The following POLR2E variants were observed in gnomAD, a reference collection of about 807,000 sequenced individuals.
The protein encoded by POLR2E is DNA-directed RNA polymerases I, II, and III subunit RPABC1.
A neutral mutation model predicts 29.8 loss-of-function variants in POLR2E; 35 were observed. The ratio of observed to expected loss-of-function variants is 1.17; its 90% CI spans 0.90 to 1.55. The LOEUF (loss-of-function observed/expected upper bound fraction) is 1.55, where lower values mean the gene tolerates loss of function less well. Among genes scored for constraint, POLR2E ranks in the 40% most tolerant of loss-of-function variants. The pLI is 0.00. For missense variants in POLR2E, 287 were observed against 288.6 expected (o/e 0.99, Z 0.04); for synonymous variants, 174 against 112.6 (o/e 1.55, Z -3.45).
At position 1,093,927 on chromosome 19, in the gene POLR2E, T is replaced by C; in HGVS notation, c.209A>G (p.Asp70Gly). ...ACCTGGAAAGAACACAAACATCTGG[T>C]CGGTGGGGTCATCGTTGTGGGCCAC... is the stretch of plus-strand genomic sequence containing the variant. ...VLVAHNDDPTDQMFVFFPEEP... is the reference protein window; with the variant it reads ...VLVAHNDDPTGQMFVFFPEEP... Residue 70 changes from aspartate (D) to glycine (G), a missense_variant, in exon 2 of 8, where the codon GAC (aspartate) becomes GGC (glycine). Transcript: ENST00000615234. 1.9e-6 allele frequency: 3 copies of C among 1,608,848 alleles called. No homozygotes were observed. The highest frequency in any genetic ancestry group is 2.5e-6 in the Non-Finnish European group (3 of 1,177,576).
intron 7 of POLR2E, 25 bp downstream of exon 7, chr19:1,089,447 A>G (rs1213797182): frequency 6.5e-7 from 1 of 1,527,376 alleles, no homozygotes; most frequent in African/African-American, 1.4e-5. Context: ...ACCCCACCTC[A>G]GTGCCTGTCC....
At chr19:1,093,875 C>G (rs755050344) in intron 2 of POLR2E, 29 bp downstream of exon 2, 5 of 1,541,294 alleles carry the variant, frequency 3.2e-6, no homozygotes, top group Non-Finnish European at 4.4e-6. Flanking sequence ...GGTGGCTTCA[C>G]CGGAACTCCC....
intron 7 of POLR2E, among the ~76,000 whole-genome samples, 170 bp from the exon 8 acceptor site, chr19:1,088,890 A>G (rs1025300553): frequency 2.9e-5 from 4 of 139,908 alleles, no homozygotes; most frequent in Non-Finnish European, 5.9e-5. Context: ...AGGCGTGGGC[A>G]GTAGCTCTGA....
chr19:1,094,978 T>A, intron 1 of POLR2E: 1 of 408,778 alleles, frequency 2.4e-6, no homozygotes, highest in East Asian at 4.9e-5. Context: ...CATTCGCGGC[T>A]TCCTCCTCCT....
rs889108007 is a variant in POLR2E, at chr19:1,087,583, T to G, written c.*1152A>C. ...CAGTCCCGGGAACCCCCATCCTACTTCCAGTCTCTGACGACTCTAGTGACC... is the reference window on the plus strand; with the variant it reads ...CAGTCCCGGGAACCCCCATCCTACTGCCAGTCTCTGACGACTCTAGTGACC... On this transcript the variant is annotated 3_prime_UTR_variant, in exon 8 of 8. Coordinates refer to ENST00000615234, the MANE Select transcript of POLR2E (RefSeq NM_002695.5). 1 of 152,144 alleles carries G rather than the reference T, an allele frequency of 6.6e-6. No individual in the cohort carries two copies. Among genetic ancestry groups the G allele is most frequent in the Non-Finnish European group, 1.5e-5 (1 of 68,046 alleles). The allele number at this position is 152,144 out of a possible 1,614,324, so 9.4% of individuals were successfully genotyped here.
chr19:1,090,212 C>T, intron 4 of POLR2E, 67 bp from the exon 5 acceptor site: 2 of 1,356,068 alleles, frequency 1.5e-6, no homozygotes, highest in Non-Finnish European at 2.1e-6. Flanking sequence ...TCCCAGGTGC[C>T]ACCACAGCCC....
In POLR2E at chr19:1,093,906, G is replaced by A. The variant is rs1043388313; in HGVS notation, c.230C>T (p.Pro77Leu). 1 of 1,593,856 alleles carries A rather than the reference G, an allele frequency of 6.3e-7. No homozygotes were observed. Among genetic ancestry groups the A allele is most frequent in the Non-Finnish European group, 8.6e-7 (1 of 1,168,978 alleles). Residue 77 changes from proline to leucine, a missense_variant and splice_region_variant, in exon 2 of 8, where the codon CCA becomes CTA. Coordinates refer to ENST00000615234, the MANE Select transcript of POLR2E (RefSeq NM_002695.5). ...CTCCCCCGGGACCCGCTGCTCACCTGGAAAGAACACAAACATCTGGTCGGT... is the reference window on the plus strand; with the variant it reads ...CTCCCCCGGGACCCGCTGCTCACCTAGAAAGAACACAAACATCTGGTCGGT... ...DPTDQMFVFF[P>L]EEPKVGIKTI...
rs760026410 is a variant in POLR2E at position 1,095,287 on chromosome 19, A to G, written c.29T>C (p.Leu10Pro). ...CATGATGGTCTTGCGGATTTTCCAG[A>G]GCCGGTACGTCTCCTCCTCGTCGTC... MDDEEETYRLWKIRKTIMQL... is the reference protein window; with the variant it reads MDDEEETYRPWKIRKTIMQL... The change falls in exon 1 of 8, where the codon CTC becomes CCC. Residue 10 changes from leucine to proline, a missense_variant. Coordinates refer to ENST00000615234, the MANE Select transcript of POLR2E (RefSeq NM_002695.5). 6.8e-6 allele frequency: 11 copies of G among 1,613,100 alleles called. No homozygotes were observed. The highest frequency in any genetic ancestry group is 9.3e-6 in the Non-Finnish European group (11 of 1,179,748).
intron 2 of POLR2E, 156 bp downstream of exon 2, chr19:1,093,748 T>C: frequency 7.1e-7 from 1 of 1,410,906 alleles, no homozygotes; most frequent in Non-Finnish European, 9.2e-7. Flanking sequence ...ATCAACGGCA[T>C]CACCCACAGC....
In POLR2E at chr19:1,088,094, C is replaced by G. The variant is rs1409369172; in HGVS notation, c.*641G>C. 6.6e-6 allele frequency: 1 copy of G among 152,472 alleles called. No homozygotes were observed. The highest frequency in any genetic ancestry group is 1.5e-5 in the Non-Finnish European group (1 of 68,076). 9.4% of individuals were successfully genotyped at this position (152,472 alleles called of 1,614,324 possible). The stretch of plus-strand genomic sequence containing the variant: ...TGAAGCCAGCGCGAGGAGGGCACAC[C>G]TGCCAGGCTGACCTCGTGTGCTTGG... On this transcript the variant is annotated 3_prime_UTR_variant, in exon 8 of 8. Transcript: ENST00000615234.
Position 1,088,404 on chromosome 19 carries a change from G to A in POLR2E, c.*331C>T, listed in dbSNP as rs1005795772. The A allele has an allele frequency of 1.3e-5, 2 of 152,336 alleles. No homozygotes were observed. The highest frequency in any genetic ancestry group is 2.9e-5 in the Non-Finnish European group (2 of 68,100). The allele number at this position is 152,336 out of a possible 1,614,324, so 9.4% of individuals were successfully genotyped here. ...GCCCAGGAGGAAGCAGTGGCTGGTGGGAGACCCGGACCCCAAACCCCCAAC... is the reference window on the plus strand; with the variant it reads ...GCCCAGGAGGAAGCAGTGGCTGGTGAGAGACCCGGACCCCAAACCCCCAAC... On this transcript the variant is annotated 3_prime_UTR_variant, in exon 8 of 8. Transcript: ENST00000615234.
chr19:1,089,886 G>A lies in POLR2E; in HGVS notation c.565C>T (p.Gln189Ter). 5 of 1,611,094 alleles carry A rather than the reference G, an allele frequency of 3.1e-6. No individual in the cohort carries two copies. The highest frequency in any genetic ancestry group is 4.2e-6 in the Non-Finnish European group (5 of 1,179,048). Residue 189 changes from glutamine (Q) to a stop codon, truncating the protein, a stop_gained and splice_region_variant, in exon 6 of 8, where the codon CAG becomes TAG. Coordinates refer to ENST00000615234, the MANE Select transcript of POLR2E (RefSeq NM_002695.5). LOFTEE classifies it high-confidence loss of function. Reference sequence around the variant, plus strand: ...CCCCTTCTCCCCACAGGGCTCACCTGCCCACGCTTTATCCCAAAGTAGCGC... The same window carrying A: ...CCCCTTCTCCCCACAGGGCTCACCTACCCACGCTTTATCCCAAAGTAGCGC... The part of the protein sequence containing the change: ...VARYFGIKRG[Q>*]VVKIIRPSET...
rs1003763069 is a variant in POLR2E at position 1,089,699 on chromosome 19, T to C, written c.568-148A>G. The C allele has an allele frequency of 1.4e-5, 11 of 798,608 alleles. No homozygotes were observed. The African/African-American group carries it at 1.7e-4, about 12-fold the overall frequency. The allele number at this position is 798,608 out of a possible 1,614,324, so 49.5% of individuals were successfully genotyped here. A position where few individuals can be genotyped will look rare whatever the true frequency, so the allele number is the denominator to read the frequency against. On this transcript the variant is annotated intron_variant, in intron 6 of 7. Transcript: ENST00000615234. ...CTGTGGGACCCGCTCCCTGGGAACC[T>C]GGGTCACGCTCTTCTCTGGGCCCAG...
rs1457468838 is a variant in POLR2E at position 1,087,644 on chromosome 19, CT to C, written c.*1090del. 1 of 152,276 alleles carries C rather than the reference CT, an allele frequency of 6.6e-6. No homozygotes were observed. The highest frequency in any genetic ancestry group is 2.4e-5 in the African/African-American group (1 of 41,422). 9.4% of individuals were successfully genotyped at this position (152,276 alleles called of 1,614,324 possible). On this transcript the variant is annotated 3_prime_UTR_variant, in exon 8 of 8. Coordinates refer to ENST00000615234, the MANE Select transcript of POLR2E (RefSeq NM_002695.5). ...GACATCAGTGTTTGTCCCTTTGGGT[CT>C]GGCTTGCTTTGGCCAAGACAATTTT...
rs1344418383 is a variant in POLR2E at position 1,088,334 on chromosome 19, A to G, written c.*401T>C. The G allele has an allele frequency of 6.6e-6, 1 of 152,280 alleles. No homozygotes were observed. The highest frequency in any genetic ancestry group is 1.9e-4 in the East Asian group (1 of 5,244). 9.4% of individuals were successfully genotyped at this position (152,280 alleles called of 1,614,324 possible). A position where few individuals can be genotyped will look rare whatever the true frequency, so the allele number is the denominator to read the frequency against. ...CGAGGCCGGGCGGGGGCCGCCACGC[A>G]TCAGGGCCCCCGAGGGAGGGAAGAC... On this transcript the variant is annotated 3_prime_UTR_variant, in exon 8 of 8. Transcript: ENST00000615234.
chr19:1,093,225 C>T (rs948086476), intron 2 of POLR2E, among the ~76,000 whole-genome samples: 5 of 152,182 alleles, frequency 3.3e-5, no homozygotes, highest in African/African-American at 9.7e-5. Flanking sequence ...AACCCAGCAG[C>T]GTCACCAGGT....
chr19:1,090,151 G>A lies in POLR2E; in HGVS notation c.430-6C>T, dbSNP rs191023433. 4.0e-5 allele frequency: 65 copies of A among 1,612,162 alleles called. No individual in the cohort carries two copies. Among genetic ancestry groups the A allele is most frequent in the African/African-American group, 8.0e-5 (6 of 74,976 alleles). The stretch of plus-strand genomic sequence containing the variant: ...ACGACGTGCTCAGGGACTAGCTGCC[G>A]AGAGAGGAAGCCACCAGGCATCACC... On this transcript the variant is annotated splice_region_variant and splice_polypyrimidine_tract_variant and intron_variant, in intron 4 of 7. Coordinates refer to ENST00000615234, the MANE Select transcript of POLR2E (RefSeq NM_002695.5).
At chr19:1,090,439 TGGGGTGGGCCC>T (rs1407138970) in intron 4 of POLR2E, among the ~76,000 whole-genome samples, 1 of 143,804 alleles carries the variant, frequency 7.0e-6, no homozygotes, top group African/African-American at 2.6e-5. Context: ...TTCTACAGGC[TGGGGTGGGCCC>T]GGGATCTGCA....
At position 1,086,796 on chromosome 19, in the gene POLR2E, G is replaced by A. The variant is rs1305239777; in HGVS notation, c.*1939C>T. ...CCCCCGCCACGGGGCCCCGCGAGGT[G>A]GGAGCCCGGGTGGTCTTCACCACAG... On this transcript the variant is annotated 3_prime_UTR_variant, in exon 8 of 8. Transcript: ENST00000615234. 3 of 152,180 alleles carry A rather than the reference G, an allele frequency of 2.0e-5. No homozygotes were observed. The highest frequency in any genetic ancestry group is 2.1e-4 in the South Asian group (1 of 4,840). 9.4% of individuals were successfully genotyped at this position (152,180 alleles called of 1,614,324 possible).
Sources: gnomAD v4.1 joint callset for allele counts (sites outside exome capture counted in the v4.1 genomes callset) on GRCh38, gnomAD v4.1.1 for gene constraint, MANE v1.5 for transcripts, NCBI Gene and HGNC (gene_info 2026-07-23, HGNC 2026-07-21) for gene names.